Variants in CAMKK2 observed in about 807,000 individuals in gnomAD.
CAMKK2 encodes calcium/calmodulin dependent protein kinase kinase 2.
In CAMKK2, 30 loss-of-function variants were observed where a neutral mutation model predicts 67.2. The ratio of observed to expected loss-of-function variants is 0.45; its 90% confidence interval spans 0.33 to 0.61. The LOEUF (loss-of-function observed/expected upper bound fraction) is 0.61. Ranked by LOEUF, CAMKK2 falls within the 20% of genes least tolerant of loss-of-function variation. The probability of loss-of-function intolerance (pLI) is 0.02; values close to 1 mark genes in which losing one functional copy is unlikely to be tolerated. For missense variants in CAMKK2, 643 were observed against 802.0 expected (o/e 0.80, Z 2.39); for synonymous variants, 322 against 326.2 (o/e 0.99, Z 0.14).
intron 8 of CAMKK2, 27 bp downstream of exon 8, chr12:121,255,755 CA>C: frequency 6.2e-7 from 1 of 1,613,102 alleles, no homozygotes; most frequent in Non-Finnish European, 8.5e-7. Flanking sequence ...CTTCTTGCAT[CA>C]CCCCTGCTGG....
intron 7 of CAMKK2, among the ~76,000 whole-genome samples, chr12:121,259,297 G>A (rs1390732754): frequency 6.6e-6 from 1 of 152,132 alleles, no homozygotes; most frequent in African/African-American, 2.4e-5. Flanking sequence ...CGGGGTTTTT[G>A]TTTTGTTACG....
chr12:121,296,552 C>G lies in CAMKK2; in HGVS notation c.-60+86G>C, dbSNP rs1405382754. Reference sequence around the variant, plus strand: ...CTTTGTGTGCCATGCCGGCGGCGGTCCCCCGCCTCGAGAGGGAAACGGAGC... The same window carrying G: ...CTTTGTGTGCCATGCCGGCGGCGGTGCCCCGCCTCGAGAGGGAAACGGAGC... On this transcript the variant is annotated intron_variant, in intron 1 of 16. Coordinates refer to ENST00000404169, the MANE Select transcript of CAMKK2 (RefSeq NM_001270485.2). This position sits in a 1 kb window ranked among gnomAD's most constrained non-coding sequence, Gnocchi z 7.1. 2 of 151,932 alleles carry G rather than the reference C, an allele frequency of 1.3e-5. No homozygotes were observed. Among genetic ancestry groups the G allele is most frequent in the African/African-American group, 4.8e-5 (2 of 41,392 alleles). The allele number at this position is 151,932 out of a possible 1,614,324, so 9.4% of individuals were successfully genotyped here. A position where few individuals can be genotyped will look rare whatever the true frequency, so the allele number is the denominator to read the frequency against.
chr12:121,289,465 T>C (rs943750044), intron 1 of CAMKK2, among the ~76,000 whole-genome samples: 9 of 152,194 alleles, frequency 5.9e-5, no homozygotes, highest in Non-Finnish European at 1.3e-4. Context: ...AGGGGTCCAA[T>C]CAGGGAAGAA....
intron 1 of CAMKK2, among the ~76,000 whole-genome samples, chr12:121,275,997 T>C (rs1156327778): frequency 6.6e-6 from 1 of 151,522 alleles, no homozygotes; most frequent in Non-Finnish European, 1.5e-5. Context: ...CCATCTCTAC[T>C]AAAAATACAA....
In CAMKK2 at chr12:121,274,269, G is replaced by A. The variant is rs201495228; in HGVS notation, c.258C>T (p.Ser86=). 7.8e-5 allele frequency: 126 copies of A among 1,612,006 alleles called. No homozygotes were observed. In the East Asian group the frequency reaches 1.1e-3, roughly 15 times the overall value. The change falls in exon 2 of 17, where the codon TCC becomes TCT. Residue 86 remains serine (S), a synonymous_variant. Transcript: ENST00000404169. ...ADGQEVPLDT[S]GSQARPHLSG... The stretch of plus-strand genomic sequence containing the variant: ...AGAGGTGGGGCCGGGCCTGGGACCC[G>A]GAGGTGTCAAGGGGGACCTCTTGGC...
intron 5 of CAMKK2, among the ~76,000 whole-genome samples, chr12:121,267,435 ATTTTAATGGT>A (rs1216162049): frequency 6.7e-6 from 1 of 150,152 alleles, no homozygotes; most frequent in Non-Finnish European, 1.5e-5. Flanking sequence ...TAAAATGTGT[ATTTTAATGGT>A]TTTTAGTGCT....
intron 1 of CAMKK2, among the ~76,000 whole-genome samples, chr12:121,279,806 G>C (rs1216030385): frequency 6.6e-6 from 1 of 152,210 alleles, no homozygotes; most frequent in East Asian, 1.9e-4. Flanking sequence ...GGAGCAGATG[G>C]ACCCGGGACC....
chr12:121,272,940 T>G (rs2136426590), intron 2 of CAMKK2, among the ~76,000 whole-genome samples: 1 of 152,200 alleles, frequency 6.6e-6, no homozygotes, highest in South Asian at 2.1e-4. Context: ...CCAATTAAAT[T>G]CATTCGTTCC....
In CAMKK2 at chr12:121,274,080, G is replaced by C; in HGVS notation, c.447C>G (p.His149Gln). The change falls in exon 2 of 17, where the codon CAC becomes CAG. Residue 149 changes from histidine to glutamine, a missense_variant. Transcript: ENST00000404169. Reference protein sequence around the residue: ...RLPRRPTVESHHVSITGMQDC... With the variant: ...RLPRRPTVESQHVSITGMQDC... ...CCTGCATACCCGTGATGGAGACGTGGTGAGACTCCACTGTCGGCCGCCGGG... is the reference window on the plus strand; with the variant it reads ...CCTGCATACCCGTGATGGAGACGTGCTGAGACTCCACTGTCGGCCGCCGGG... The C allele has an allele frequency of 6.6e-7, 1 of 1,518,974 alleles. No individual in the cohort carries two copies. Among genetic ancestry groups the C allele is most frequent in the East Asian group, 2.3e-5 (1 of 43,478 alleles). 94.1% of individuals were successfully genotyped at this position (1,518,974 alleles called of 1,614,324 possible).
At chr12:121,262,682 C>T (rs150713025) in intron 6 of CAMKK2, among the ~76,000 whole-genome samples, 153 of 152,130 alleles carry the variant, frequency 1.0e-3, no homozygotes, top group African/African-American at 3.5e-3. Flanking sequence ...CCTCGGCCTT[C>T]GGAATAGCTG....
rs930635446 is a variant in CAMKK2, at chr12:121,257,321, A to C, written c.797-1517T>G. Among the ~76,000 whole-genome samples the C allele has an allele frequency of 3.5e-4, 52 of 150,214 alleles. 1 individual carries two copies. The highest frequency in any genetic ancestry group is 7.4e-5 in the Non-Finnish European group (5 of 67,880). On this transcript the variant is annotated intron_variant, in intron 7 of 16. Coordinates refer to ENST00000404169, the MANE Select transcript of CAMKK2 (RefSeq NM_001270485.2). The stretch of plus-strand genomic sequence containing the variant: ...GAGTGCAGTGGCACGATCTTGGCTC[A>C]CTGCAACCTCTGCCTCCTGGGTTCA...
intron 2 of CAMKK2, among the ~76,000 whole-genome samples, chr12:121,271,206 T>C (rs1437228089): frequency 6.3e-5 from 9 of 143,962 alleles, no homozygotes; most frequent in Admixed American, 5.7e-4. Flanking sequence ...GCCCAGGAGG[T>C]GGAGGTTGCT....
intron 14 of CAMKK2, 88 bp downstream of exon 14, chr12:121,248,518 G>A (rs1306141405): frequency 4.1e-5 from 63 of 1,526,464 alleles, no homozygotes; most frequent in Non-Finnish European, 5.2e-5. Flanking sequence ...CTGACTCCCG[G>A]GCACCCGCCT....
chr12:121,250,006 C>G lies in CAMKK2; in HGVS notation c.1190G>C (p.Cys397Ser). Reference protein sequence around the residue: ...QCPFMDERIMCLHSKIKSQAL... With the variant: ...QCPFMDERIMSLHSKIKSQAL... ...CTGACTCTTGATCTTACTGTGTAAA[C>G]ACATGATCCGCTCGTCCATGAATGG... The change falls in exon 12 of 17, where the codon TGT (cysteine) becomes TCT (serine). Residue 397 changes from cysteine (C) to serine (S), a missense_variant. Physicochemically the swap from Cys to Ser is moderately radical, Grantham distance 112. Transcript: ENST00000404169. 1 of 1,613,922 alleles carries G rather than the reference C, an allele frequency of 6.2e-7. No individual in the cohort carries two copies.
At chr12:121,280,213 C>G (rs1228643184) in intron 1 of CAMKK2, among the ~76,000 whole-genome samples, 1 of 152,222 alleles carries the variant, frequency 6.6e-6, no homozygotes, top group Admixed American at 6.5e-5. Context: ...TTATTAGTTC[C>G]CCAAATTAAT....
intron 11 of CAMKK2, among the ~76,000 whole-genome samples, chr12:121,251,063 G>A (rs928228794): frequency 6.6e-6 from 1 of 152,198 alleles, no homozygotes; most frequent in African/African-American, 2.4e-5. Context: ...GCTGGAAAAG[G>A]AATCCTTACA....
At chr12:121,294,960 A>C (rs1467193835) in intron 1 of CAMKK2, among the ~76,000 whole-genome samples, 5 of 152,156 alleles carry the variant, frequency 3.3e-5, no homozygotes, top group Admixed American at 6.5e-5. Flanking sequence ...ACTTGAGGTA[A>C]GGAGTTCAAG....
chr12:121,244,809 C>T (rs536500650), intron 15 of CAMKK2, among the ~76,000 whole-genome samples, 194 bp from the exon 16 acceptor site: 59 of 152,370 alleles, frequency 3.9e-4, no homozygotes, highest in Non-Finnish European at 5.0e-4. Flanking sequence ...GACCACACTG[C>T]TCGCCCAGCA....
rs558135722 is a variant in CAMKK2 at position 121,278,249 on chromosome 12, C to G, written c.-59-3664G>C. Among the ~76,000 whole-genome samples the G allele has an allele frequency of 2.0e-5, 3 of 152,308 alleles. No individual in the cohort carries two copies. In the East Asian group the frequency reaches 5.8e-4, roughly 29 times the overall value. ...GGCCCTAGCTGCTGCTACTTTACTT[C>G]TCCTTCTCATGGTCCTTATGTCCCA... On this transcript the variant is annotated intron_variant, in intron 1 of 16. Coordinates refer to ENST00000404169, the MANE Select transcript of CAMKK2 (RefSeq NM_001270485.2).
Sources: gnomAD v4.1 joint callset for allele counts (sites outside exome capture counted in the v4.1 genomes callset) on GRCh38, gnomAD v4.1.1 for gene constraint, Gnocchi (gnomAD v3.1) non-coding constraint, MANE v1.5 for transcripts, NCBI Gene and HGNC (gene_info 2026-07-23, HGNC 2026-07-21) for gene names.